SRBD1: variants seen among roughly 807,000 people sequenced by gnomAD.
SRBD1 encodes S1 RNA-binding domain-containing protein 1.
In SRBD1, 88 loss-of-function variants were observed where a neutral mutation model predicts 115.3. The ratio of observed to expected loss-of-function variants is 0.76; its 90% CI spans 0.64 to 0.91. SRBD1 has a LOEUF of 0.91. Among genes scored for constraint, SRBD1 ranks in the 40% least tolerant of loss-of-function variants. SRBD1 has a pLI of 0.00. For missense variants in SRBD1, 1,385 were observed against 1,177.4 expected (o/e 1.18, Z -2.58); for synonymous variants, 509 against 407.7 (o/e 1.25, Z -2.99).
At chr2:45,470,777 G>A (rs997924907) in intron 16 of SRBD1, among the ~76,000 whole-genome samples, 1 of 151,994 alleles carries the variant, frequency 6.6e-6, no homozygotes, top group Admixed American at 6.6e-5. Flanking sequence ...GTCTTTAGGG[G>A]TCAGTTAGGG....
Position 45,538,977 on chromosome 2 carries a change from T to A in SRBD1, c.1874+7755A>T, listed in dbSNP as rs377742402. Among the ~76,000 whole-genome samples, 6 of 152,104 alleles carry A rather than the reference T, an allele frequency of 3.9e-5. No individual in the cohort carries two copies. In the East Asian group the frequency reaches 1.2e-3, roughly 29 times the overall value. ...TATCATGTACATGTTTCCACAGGCA[T>A]AGATATCCTGAGGAAAGAACTAAAA... On this transcript the variant is annotated intron_variant, in intron 14 of 20. Transcript: ENST00000263736.
At chr2:45,503,090 G>A (rs1444916232) in intron 14 of SRBD1, among the ~76,000 whole-genome samples, 1 of 152,138 alleles carries the variant, frequency 6.6e-6, no homozygotes, top group African/African-American at 2.4e-5. Flanking sequence ...CTTGAACTAT[G>A]TGAAAGCTTA....
intron 8 of SRBD1, among the ~76,000 whole-genome samples, chr2:45,574,378 A>G (rs1258630713): frequency 1.3e-5 from 2 of 152,200 alleles, no homozygotes; most frequent in South Asian, 4.1e-4. Flanking sequence ...AGGCCCCTCC[A>G]CTGAGATGCC....
At chr2:45,488,564 C>G (rs1316984017) in intron 14 of SRBD1, among the ~76,000 whole-genome samples, 1 of 152,084 alleles carries the variant, frequency 6.6e-6, no homozygotes, top group Non-Finnish European at 1.5e-5. Flanking sequence ...TGAATTCAAT[C>G]AGAGAAATCA....
intron 16 of SRBD1, among the ~76,000 whole-genome samples, chr2:45,420,435 T>G (rs1332965102): frequency 1.3e-5 from 2 of 152,204 alleles, no homozygotes; most frequent in Non-Finnish European, 2.9e-5. Context: ...GACAGTACTG[T>G]TTATATGAAG....
At chr2:45,553,596 C>T in intron 11 of SRBD1, 27 bp downstream of exon 11, 1 of 1,472,474 alleles carries the variant, frequency 6.8e-7, no homozygotes, top group Non-Finnish European at 9.2e-7. Flanking sequence ...AATCAGTACA[C>T]AAAATTAAAC....
At chr2:45,500,646 G>A (rs12618126) in intron 14 of SRBD1, among the ~76,000 whole-genome samples, 6,284 of 152,054 alleles carry the variant, frequency 0.041, 242 homozygotes, top group East Asian at 0.14. Flanking sequence ...GAACTCATGC[G>A]CTCAAGCAAT....
At chr2:45,480,064 T>C (rs749627399) in intron 15 of SRBD1, among the ~76,000 whole-genome samples, 2 of 152,190 alleles carry the variant, frequency 1.3e-5, no homozygotes, top group African/African-American at 2.4e-5. Context: ...TTAAGCTCAC[T>C]GTGGAGACCT....
intron 4 of SRBD1, among the ~76,000 whole-genome samples, chr2:45,586,852 T>C (rs1162883540): frequency 6.8e-6 from 1 of 146,776 alleles, no homozygotes; most frequent in Non-Finnish European, 1.5e-5. Context: ...AGGCAATTAA[T>C]TATTTTTTAA....
At chr2:45,466,786 C>T (rs931816981) in intron 16 of SRBD1, among the ~76,000 whole-genome samples, 3 of 152,172 alleles carry the variant, frequency 2.0e-5, no homozygotes, top group Non-Finnish European at 2.9e-5. Flanking sequence ...ATTACATACA[C>T]TGCAATGTGC....
At chr2:45,440,789 T>A (rs796302117) in intron 16 of SRBD1, among the ~76,000 whole-genome samples, 7 of 152,094 alleles carry the variant, frequency 4.6e-5, no homozygotes, top group African/African-American at 1.7e-4. Flanking sequence ...TGGTTCTGTG[T>A]GAGAGAGACA....
chr2:45,528,401 T>C (rs915366842), intron 14 of SRBD1, among the ~76,000 whole-genome samples: 2 of 151,762 alleles, frequency 1.3e-5, no homozygotes, highest in African/African-American at 4.8e-5. Flanking sequence ...TCATGGTAGT[T>C]TGAATGGGGT....
intron 14 of SRBD1, among the ~76,000 whole-genome samples, chr2:45,515,300 A>T (rs1267208569): frequency 2.0e-5 from 3 of 152,182 alleles, no homozygotes; most frequent in Non-Finnish European, 2.9e-5. Flanking sequence ...ATAGTAGCTG[A>T]AGAAACGAAG....
chr2:45,442,592 T>A (rs1320596740), intron 16 of SRBD1, among the ~76,000 whole-genome samples: 1 of 152,192 alleles, frequency 6.6e-6, no homozygotes, highest in Non-Finnish European at 1.5e-5. Context: ...GAGAGAATCC[T>A]ACGGTATAGG....
chr2:45,534,792 A>G (rs1257741077), intron 14 of SRBD1, among the ~76,000 whole-genome samples: 1 of 151,944 alleles, frequency 6.6e-6, no homozygotes, highest in Non-Finnish European at 1.5e-5. Flanking sequence ...AGCTAAATAG[A>G]TCTTAAGTTA....
At chr2:45,495,128 C>T (rs1670416689) in intron 14 of SRBD1, among the ~76,000 whole-genome samples, 1 of 152,164 alleles carries the variant, frequency 6.6e-6, no homozygotes, top group Admixed American at 6.5e-5. Flanking sequence ...TTCAAAAGAA[C>T]AGAATTATCT....
intron 14 of SRBD1, among the ~76,000 whole-genome samples, chr2:45,514,575 C>G (rs1300508927): frequency 6.6e-6 from 1 of 152,068 alleles, no homozygotes; most frequent in African/African-American, 2.4e-5. Context: ...AAATAATTTT[C>G]TTATATGCCT....
chr2:45,546,942 A>T (rs1219465464), intron 13 of SRBD1, 103 bp from the exon 14 acceptor site: 2 of 1,090,314 alleles, frequency 1.8e-6, no homozygotes, highest in Non-Finnish European at 2.7e-6. Flanking sequence ...TGATTCTCTT[A>T]TTCTCTCATA....
chr2:45,416,777 T>A (rs1191621076), intron 18 of SRBD1, among the ~76,000 whole-genome samples: 1 of 152,202 alleles, frequency 6.6e-6, no homozygotes, highest in Non-Finnish European at 1.5e-5. Flanking sequence ...GGTGTTTTTT[T>A]GGTTTGCTTG....
Sources: allele counts gnomAD v4.1 joint callset (sites outside exome capture counted in the v4.1 genomes callset), GRCh38; gene constraint gnomAD v4.1.1; transcripts MANE v1.5; gene names NCBI Gene and HGNC (gene_info 2026-07-23, HGNC 2026-07-21).